Variants in RAPGEF6 observed in about 807,000 individuals in gnomAD.
The protein encoded by RAPGEF6 is PDZ domain containing guanine nucleotide exchange factor (GEF) 2.
Under a neutral mutation model 171.4 loss-of-function variants are expected in RAPGEF6, and 56 were observed. The observed-to-expected ratio is 0.33, with a 90% CI of 0.26 to 0.41. RAPGEF6 has a LOEUF of 0.41. Ranked by LOEUF, RAPGEF6 falls within the 10% of genes least tolerant of loss-of-function variation. The pLI, the probability that RAPGEF6 is intolerant of heterozygous loss-of-function variation, is 1.00. For synonymous variants in RAPGEF6, 692 were observed against 650.1 expected, an observed-to-expected ratio of 1.06 and a Z score of -0.98; for missense variants, 1,674 against 1,921.4, an observed-to-expected ratio of 0.87 and a Z score of 2.41.
At chr5:131,576,860 G>C (rs11738669) in intron 4 of RAPGEF6, among the ~76,000 whole-genome samples, 95,518 of 151,746 alleles carry the variant, frequency 0.63, 32,107 homozygotes, top group Non-Finnish European at 0.77. Context: ...CCATCTCTTA[G>C]AACCTCTCAT....
At chr5:131,558,583 C>T (rs1761390924) in intron 5 of RAPGEF6, among the ~76,000 whole-genome samples, 1 of 152,132 alleles carries the variant, frequency 6.6e-6, no homozygotes, top group African/African-American at 2.4e-5. Context: ...TCAGCCTTTG[C>T]TCTTATAGCA....
At chr5:131,547,551 C>T (rs989273558) in intron 6 of RAPGEF6, among the ~76,000 whole-genome samples, 1 of 148,980 alleles carries the variant, frequency 6.7e-6, no homozygotes, top group Non-Finnish European at 1.5e-5. Context: ...CTCTTGTCGA[C>T]CAGGCTGGAA....
At chr5:131,561,660 C>CAA (rs35691525) in intron 5 of RAPGEF6, among the ~76,000 whole-genome samples, 1,576 of 90,790 alleles carry the variant, frequency 0.017, 44 homozygotes, top group African/African-American at 0.062. Context: ...AACTCTGTCT[C>CAA]AAAAAAAAAA....
intron 6 of RAPGEF6, among the ~76,000 whole-genome samples, chr5:131,538,878 T>A (rs1324522510): frequency 6.6e-6 from 1 of 152,224 alleles, no homozygotes; most frequent in African/African-American, 2.4e-5. Context: ...ACTCAATACC[T>A]TCTAACTAGG....
chr5:131,480,385 C>G (rs1232709210), intron 15 of RAPGEF6, among the ~76,000 whole-genome samples: 1 of 152,168 alleles, frequency 6.6e-6, no homozygotes, highest in Non-Finnish European at 1.5e-5. Context: ...TGAGACCTCA[C>G]TACTGTAGTC....
At chr5:131,618,242 T>C (rs544890512) in intron 1 of RAPGEF6, among the ~76,000 whole-genome samples, 8 of 152,280 alleles carry the variant, frequency 5.3e-5, no homozygotes, top group African/African-American at 1.7e-4. Context: ...AAATAATCCA[T>C]TACTTCATAG....
rs112802877 is a variant in RAPGEF6 at position 131,548,332 on chromosome 5, A to C, written c.352-142T>G. On this transcript the variant is annotated intron_variant, in intron 5 of 27. Coordinates refer to ENST00000509018, the MANE Select transcript of RAPGEF6 (RefSeq NM_016340.6). ...TCAAGAAAACAGTCTGTATAGCACAACGCTCATGAGTTAAAGATTAGAGGT... is the reference window on the plus strand; with the variant it reads ...TCAAGAAAACAGTCTGTATAGCACACCGCTCATGAGTTAAAGATTAGAGGT... The C allele has an allele frequency of 5.5e-4, 403 of 735,552 alleles. 2 individuals carry two copies. In the African/African-American group the frequency reaches 5.8e-3, roughly 11 times the overall value. 45.6% of individuals were successfully genotyped at this position (735,552 alleles called of 1,614,324 possible).
At chr5:131,592,571 A>G in intron 3 of RAPGEF6, 105 bp from the exon 4 acceptor site, 1 of 1,471,494 alleles carries the variant, frequency 6.8e-7, no homozygotes, top group South Asian at 1.4e-5. Flanking sequence ...ATAATTAAAA[A>G]TGAAGTAACA....
chr5:131,537,404 G>C (rs149557693), intron 6 of RAPGEF6, among the ~76,000 whole-genome samples: 19 of 152,240 alleles, frequency 1.2e-4, no homozygotes, highest in African/African-American at 4.6e-4. Flanking sequence ...TGCCTATTGA[G>C]AAGTTACCAA....
chr5:131,528,065 T>C (rs1759023118), intron 6 of RAPGEF6, among the ~76,000 whole-genome samples: 1 of 87,042 alleles, frequency 1.1e-5, no homozygotes, highest in African/African-American at 3.5e-5. Context: ...ATATAATATA[T>C]AAATTTATAA....
chr5:131,439,064 A>C (rs1347599700), intron 24 of RAPGEF6, among the ~76,000 whole-genome samples: 1 of 152,094 alleles, frequency 6.6e-6, no homozygotes, highest in Non-Finnish European at 1.5e-5. Context: ...CTGGGACTAC[A>C]GGCACACCAC....
At chr5:131,589,668 T>G (rs960401260) in intron 4 of RAPGEF6, among the ~76,000 whole-genome samples, 1 of 152,210 alleles carries the variant, frequency 6.6e-6, no homozygotes, top group Non-Finnish European at 1.5e-5. Flanking sequence ...GAGAATTGTG[T>G]AAATGTTCTC....
intron 12 of RAPGEF6, among the ~76,000 whole-genome samples, chr5:131,497,329 A>C (rs747665629): frequency 1.1e-4 from 17 of 152,250 alleles, no homozygotes; most frequent in Non-Finnish European, 2.1e-4. Flanking sequence ...CTTTCTGGAC[A>C]GTGTCCTTTG....
chr5:131,581,318 A>G (rs566272541), intron 4 of RAPGEF6, among the ~76,000 whole-genome samples: 3 of 152,208 alleles, frequency 2.0e-5, no homozygotes, highest in Non-Finnish European at 4.4e-5. Flanking sequence ...GCAACTAATT[A>G]CACTGGACCC....
In RAPGEF6 at chr5:131,632,456, G is replaced by C. The variant is rs1766372824; in HGVS notation, c.69+2506C>G. Among the ~76,000 whole-genome samples, 7 of 152,118 alleles carry C rather than the reference G, an allele frequency of 4.6e-5. No homozygotes were observed. In the South Asian group the frequency reaches 1.5e-3, roughly 32 times the overall value. On this transcript the variant is annotated intron_variant, in intron 1 of 27. Transcript: ENST00000509018. ...TTATTTAAACTGCAACCCAGCCCTT[G>C]CCCCTTGCTTTCAATCCCTCTTACT...
intron 7 of RAPGEF6, among the ~76,000 whole-genome samples, chr5:131,517,250 C>A (rs1452082217): frequency 2.0e-5 from 3 of 152,008 alleles, no homozygotes; most frequent in African/African-American, 7.2e-5. Flanking sequence ...TGCACATGTA[C>A]CCCCCTGCAT....
chr5:131,560,229 C>A (rs6860931), intron 5 of RAPGEF6, among the ~76,000 whole-genome samples: 1,858 of 152,218 alleles, frequency 0.012, 45 homozygotes, highest in African/African-American at 0.043. Context: ...TTCTTGACCC[C>A]AAAATATGTC....
intron 12 of RAPGEF6, among the ~76,000 whole-genome samples, chr5:131,497,109 A>G (rs1466752342): frequency 6.6e-6 from 1 of 152,132 alleles, no homozygotes; most frequent in Non-Finnish European, 1.5e-5. Flanking sequence ...TTATGACTGC[A>G]TATCTCTATG....
chr5:131,446,737 T>G, intron 21 of RAPGEF6, 34 bp from the exon 22 acceptor site: 1 of 1,563,384 alleles, frequency 6.4e-7, no homozygotes, highest in Non-Finnish European at 8.8e-7. Context: ...TAAGGGGCTA[T>G]AGAGATGAGA....
Sources: allele counts gnomAD v4.1 joint callset (sites outside exome capture counted in the v4.1 genomes callset), GRCh38; gene constraint gnomAD v4.1.1; transcripts MANE v1.5; gene names NCBI Gene and HGNC (gene_info 2026-07-23, HGNC 2026-07-21).